The following PRKCE variants were observed in gnomAD, a reference collection of about 807,000 sequenced individuals.
PRKCE encodes protein kinase C epsilon.
Under a neutral mutation model 85.4 loss-of-function variants are expected in PRKCE, and 16 were observed. The observed-to-expected ratio is 0.19, with a 90% CI of 0.13 to 0.28. The LOEUF (loss-of-function observed/expected upper bound fraction) is 0.28, where lower values mean the gene tolerates loss of function less well. PRKCE is among the 10% of genes least tolerant of loss of function. The pLI is 1.00. For missense variants in PRKCE, 573 were observed against 975.2 expected (o/e 0.59, Z 5.49); for synonymous variants, 388 against 371.5 (o/e 1.04, Z -0.51).
intron 1 of PRKCE, among the ~76,000 whole-genome samples, chr2:45,816,847 CA>C (rs1689087796): frequency 6.6e-6 from 1 of 152,166 alleles, no homozygotes; most frequent in South Asian, 2.1e-4. Flanking sequence ...TAGGTGTGAA[CA>C]AGGGGATCGG....
chr2:45,894,524 T>G (rs1442301906), intron 2 of PRKCE, among the ~76,000 whole-genome samples: 1 of 151,658 alleles, frequency 6.6e-6, no homozygotes, highest in Non-Finnish European at 1.5e-5. Context: ...GAAGGTGACC[T>G]TGGGCAAGTT....
intron 2 of PRKCE, among the ~76,000 whole-genome samples, chr2:45,917,465 C>T (rs981896633): frequency 6.6e-6 from 1 of 152,102 alleles, no homozygotes; most frequent in Non-Finnish European, 1.5e-5. Flanking sequence ...ATTCACAAAC[C>T]CTGAGCTAGA....
At position 45,855,724 on chromosome 2, in the gene PRKCE, G is replaced by A. The variant is rs115179637; in HGVS notation, c.412+12661G>A. ...GGAGTTTTGTCTGGAAGCCACAGGA[G>A]TAGAAAGAGACTGAGGTTTCTTTGA... On this transcript the variant is annotated intron_variant, in intron 2 of 14. Coordinates refer to ENST00000306156, the MANE Select transcript of PRKCE (RefSeq NM_005400.3). 9.1e-3 allele frequency among the ~76,000 whole-genome samples: 1,379 copies of A among 152,310 alleles called. 21 individuals are homozygous for A. The highest frequency in any genetic ancestry group is 0.031 in the African/African-American group (1,282 of 41,558).
intron 1 of PRKCE, chr2:45,701,580 G>A (rs1375229762): frequency 6.6e-6 from 1 of 152,190 alleles, no homozygotes; most frequent in Non-Finnish European, 1.5e-5. Flanking sequence ...TTGATACCAA[G>A]GTGGGAGAGC....
intron 1 of PRKCE, among the ~76,000 whole-genome samples, chr2:45,793,215 G>A (rs1013602360): frequency 8.5e-5 from 13 of 152,220 alleles, no homozygotes; most frequent in South Asian, 2.1e-4. Context: ...GAGCTGCAGA[G>A]GAGCCTTCCT....
intron 2 of PRKCE, among the ~76,000 whole-genome samples, chr2:45,853,801 A>T (rs1240431896): frequency 6.6e-6 from 1 of 152,202 alleles, no homozygotes; most frequent in Non-Finnish European, 1.5e-5. Flanking sequence ...ATGAGTGGGC[A>T]TGGATCTGAA....
At chr2:45,951,445 C>G (rs1469823627) in intron 2 of PRKCE, among the ~76,000 whole-genome samples, 1 of 152,204 alleles carries the variant, frequency 6.6e-6, no homozygotes, top group Admixed American at 6.5e-5. Context: ...CTCACTGAGA[C>G]TAGGCAGTAT....
intron 11 of PRKCE, among the ~76,000 whole-genome samples, chr2:46,132,132 A>G (rs986537877): frequency 1.3e-5 from 2 of 152,074 alleles, no homozygotes; most frequent in Non-Finnish European, 2.9e-5. Flanking sequence ...TCACTGACTG[A>G]CCACGCTCTT....
At chr2:46,023,061 T>G (rs376742969) in intron 10 of PRKCE, among the ~76,000 whole-genome samples, 3,681 of 123,606 alleles carry the variant, frequency 0.03, 152 homozygotes, top group African/African-American at 0.11. Context: ...CCGCAGTCCG[T>G]CCTGGGCGAC....
Position 46,106,626 on chromosome 2 carries a change from C to T in PRKCE, c.1592+20264C>T, listed in dbSNP as rs142374062. Among the ~76,000 whole-genome samples, 430 of 152,346 alleles carry T rather than the reference C, an allele frequency of 2.8e-3. 5 individuals are homozygous for T. Among genetic ancestry groups the T allele is most frequent in the African/African-American group, 0.01 (417 of 41,584 alleles). The stretch of plus-strand genomic sequence containing the variant: ...CTTTGGCTTGCAGAAGGCTGCTTTC[C>T]TGCTACCTCTTTGCATGGTCACCCC... On this transcript the variant is annotated intron_variant, in intron 11 of 14. Transcript: ENST00000306156.
chr2:45,791,916 A>G (rs1439250293), intron 1 of PRKCE, among the ~76,000 whole-genome samples: 5 of 152,206 alleles, frequency 3.3e-5, no homozygotes, highest in African/African-American at 1.2e-4. Flanking sequence ...TTATCCCTGG[A>G]ATGAGGATAA....
At position 45,824,318 on chromosome 2, in the gene PRKCE, C is replaced by T. The variant is rs145564565; in HGVS notation, c.349-18682C>T. Among the ~76,000 whole-genome samples, 406 of 152,352 alleles carry T rather than the reference C, an allele frequency of 2.7e-3. 1 individual carries two copies. The highest frequency in any genetic ancestry group is 9.3e-3 in the African/African-American group (388 of 41,580). On this transcript the variant is annotated intron_variant, in intron 1 of 14. Coordinates refer to ENST00000306156, the MANE Select transcript of PRKCE (RefSeq NM_005400.3). Reference sequence around the variant, plus strand: ...AGAAAGGAAAGGATGAAGTGATCAACTCCTTTCTTTCCAAAGCCCTTACCA... The same window carrying T: ...AGAAAGGAAAGGATGAAGTGATCAATTCCTTTCTTTCCAAAGCCCTTACCA...
intron 11 of PRKCE, among the ~76,000 whole-genome samples, chr2:46,090,967 A>G (rs937547563): frequency 1.3e-5 from 2 of 152,214 alleles, no homozygotes; most frequent in East Asian, 3.9e-4. Context: ...TTGATATACA[A>G]ACTAATTAGC....
At chr2:45,672,118 A>G (rs909066283) in intron 1 of PRKCE, among the ~76,000 whole-genome samples, 4 of 152,000 alleles carry the variant, frequency 2.6e-5, no homozygotes, top group African/African-American at 4.8e-5. Flanking sequence ...AGACAGAAAA[A>G]GTATGAGTAA....
At chr2:46,142,760 T>A (rs990705457) in intron 11 of PRKCE, among the ~76,000 whole-genome samples, 9 of 152,222 alleles carry the variant, frequency 5.9e-5, no homozygotes, top group Admixed American at 2.0e-4. Context: ...ACTTCCTCCT[T>A]CTTTGCCCCA....
intron 10 of PRKCE, among the ~76,000 whole-genome samples, chr2:46,012,756 T>C (rs1705793527): frequency 6.6e-6 from 1 of 152,232 alleles, no homozygotes; most frequent in African/African-American, 2.4e-5. Context: ...AATGGATGTC[T>C]TCAATGTCAG....
chr2:46,091,579 C>T (rs1194246562), intron 11 of PRKCE, among the ~76,000 whole-genome samples: 1 of 152,164 alleles, frequency 6.6e-6, no homozygotes, highest in Non-Finnish European at 1.5e-5. Flanking sequence ...TGGAGAAAGA[C>T]GTAGATTCCA....
intron 1 of PRKCE, among the ~76,000 whole-genome samples, chr2:45,682,127 C>T (rs1676952941): frequency 6.6e-6 from 1 of 152,152 alleles, no homozygotes; most frequent in African/African-American, 2.4e-5. Flanking sequence ...TTTTTACAAA[C>T]AGCTTTACTG....
At chr2:46,154,295 G>T (rs929157049) in intron 13 of PRKCE, among the ~76,000 whole-genome samples, 1 of 152,102 alleles carries the variant, frequency 6.6e-6, no homozygotes, top group Non-Finnish European at 1.5e-5. Context: ...GGCCTCGGGG[G>T]TACTAGTCTT....
Sources: gnomAD v4.1 joint callset for allele counts (sites outside exome capture counted in the v4.1 genomes callset) on GRCh38, gnomAD v4.1.1 for gene constraint, MANE v1.5 for transcripts, NCBI Gene and HGNC (gene_info 2026-07-23, HGNC 2026-07-21) for gene names.